The following HAUS6 variants were observed in gnomAD, a reference collection of about 807,000 sequenced individuals.
HAUS6 encodes the protein HAUS augmin like complex subunit 6, also known as HAUS augmin-like complex subunit 6.
Under a neutral mutation model 106.8 loss-of-function variants are expected in HAUS6, and 80 were observed. The ratio of observed to expected loss-of-function variants is 0.75; its 90% confidence interval spans 0.63 to 0.90. The LOEUF (loss-of-function observed/expected upper bound fraction) is 0.90. Among genes scored for constraint, HAUS6 ranks in the 40% least tolerant of loss-of-function variants. The probability of loss-of-function intolerance (pLI) is 0.00; values close to 1 mark genes in which losing one functional copy is unlikely to be tolerated. For synonymous variants in HAUS6, 356 were observed against 379.1 expected (o/e 0.94, Z 0.71); for missense variants, 1,155 against 1,118.1 (o/e 1.03, Z -0.47).
intron 8 of HAUS6, among the ~76,000 whole-genome samples, chr9:19,082,671 G>C (rs1036178063): frequency 6.6e-5 from 10 of 152,028 alleles, no homozygotes; most frequent in Non-Finnish European, 7.4e-5. Flanking sequence ...TCTTGAACCT[G>C]GGAGGCGGAG....
intron 14 of HAUS6, among the ~76,000 whole-genome samples, chr9:19,061,872 T>C (rs937976958): frequency 2.0e-5 from 3 of 152,176 alleles, no homozygotes; most frequent in African/African-American, 7.2e-5. Context: ...CCAGTTCTCT[T>C]ATTTGGACAA....
At chr9:19,064,698 A>C (rs1396666357) in intron 12 of HAUS6, among the ~76,000 whole-genome samples, 1 of 152,228 alleles carries the variant, frequency 6.6e-6, no homozygotes, top group African/African-American at 2.4e-5. Flanking sequence ...ATTTTATATC[A>C]TAGTAAATGT....
intron 9 of HAUS6, among the ~76,000 whole-genome samples, chr9:19,078,621 C>T (rs1374788149): frequency 6.6e-6 from 1 of 151,192 alleles, no homozygotes. Flanking sequence ...AACCTCATCT[C>T]TATGAAAAAT....
chr9:19,098,643 T>C (rs1050901906), intron 1 of HAUS6, among the ~76,000 whole-genome samples: 8 of 152,126 alleles, frequency 5.3e-5, no homozygotes, highest in African/African-American at 1.7e-4. Context: ...TTCTCTGTAA[T>C]GCAACCATAT....
chr9:19,061,362 A>G (rs1375584172), intron 14 of HAUS6, among the ~76,000 whole-genome samples: 1 of 152,160 alleles, frequency 6.6e-6, no homozygotes, highest in Non-Finnish European at 1.5e-5. Context: ...ATCTGATCCC[A>G]TTGCTAATAT....
chr9:19,060,884 G>A (rs1424256276), intron 14 of HAUS6, among the ~76,000 whole-genome samples: 3 of 152,188 alleles, frequency 2.0e-5, no homozygotes, highest in African/African-American at 4.8e-5. Flanking sequence ...CCAAGAGGCC[G>A]GGCATGGTGG....
At chr9:19,087,716 G>C (rs1001019388) in intron 5 of HAUS6, among the ~76,000 whole-genome samples, 1 of 151,926 alleles carries the variant, frequency 6.6e-6, no homozygotes, top group Non-Finnish European at 1.5e-5. Flanking sequence ...TTAGCTGGGT[G>C]TGGTAGAACA....
chr9:19,057,678 G>C (rs1378922796), intron 16 of HAUS6: 2 of 400,040 alleles, frequency 5.0e-6, no homozygotes, highest in South Asian at 2.1e-4. Context: ...GCAAGATTTT[G>C]ATGACATTTA....
intron 9 of HAUS6, among the ~76,000 whole-genome samples, chr9:19,079,432 T>C (rs1837088458): frequency 1.3e-5 from 2 of 151,446 alleles, no homozygotes; most frequent in Non-Finnish European, 2.9e-5. Flanking sequence ...AGTTTCCCCA[T>C]ATTGGCCAGA....
intron 2 of HAUS6, among the ~76,000 whole-genome samples, chr9:19,095,935 G>C (rs1041917220): frequency 2.0e-5 from 3 of 152,040 alleles, no homozygotes; most frequent in Non-Finnish European, 4.4e-5. Flanking sequence ...AAAAAAATAA[G>C]GATTTACAGA....
At chr9:19,087,207 G>T (rs747793217) in intron 5 of HAUS6, 51 bp from the exon 6 acceptor site, 5 of 971,154 alleles carry the variant, frequency 5.1e-6, no homozygotes, top group Non-Finnish European at 6.7e-6. Flanking sequence ...CGATTAATTA[G>T]TATAGCCCAC....
intron 7 of HAUS6, among the ~76,000 whole-genome samples, chr9:19,086,097 A>G (rs1370919251): frequency 6.6e-6 from 1 of 151,598 alleles, no homozygotes; most frequent in African/African-American, 2.4e-5. Flanking sequence ...AGATCACCTG[A>G]GGTCAGGAGT....
chr9:19,068,707 A>G (rs1367591040), intron 12 of HAUS6, among the ~76,000 whole-genome samples: 1 of 138,728 alleles, frequency 7.2e-6, no homozygotes, highest in Non-Finnish European at 1.5e-5. Flanking sequence ...TTAGGTTAAA[A>G]AACAATTAAA....
At chr9:19,072,855 A>T (rs571101736) in intron 11 of HAUS6, among the ~76,000 whole-genome samples, 148 of 152,306 alleles carry the variant, frequency 9.7e-4, no homozygotes, top group South Asian at 1.9e-3. Context: ...CAATGTCATT[A>T]AAAAAAGACA....
At chr9:19,061,104 C>T (rs1836607073) in intron 14 of HAUS6, among the ~76,000 whole-genome samples, 1 of 152,178 alleles carries the variant, frequency 6.6e-6, no homozygotes, top group Admixed American at 6.5e-5. Context: ...GCGGAGGCTG[C>T]GGTGAGCCAA....
intron 1 of HAUS6, among the ~76,000 whole-genome samples, chr9:19,097,461 A>G (rs377454396): frequency 1.3e-3 from 202 of 152,258 alleles, no homozygotes; most frequent in African/African-American, 4.8e-3. Context: ...ACACTTCTCA[A>G]AAGAAGACAT....
intron 12 of HAUS6, 187 bp from the exon 13 acceptor site, chr9:19,063,767 A>G (rs13302453): frequency 0.081 from 60,067 of 745,800 alleles, 2,655 homozygotes; most frequent in East Asian, 0.1. Flanking sequence ...TTTCAGCCCA[A>G]TTTGTGTATC....
In HAUS6 at chr9:19,102,899, C is replaced by T. The variant is rs376989362; in HGVS notation, c.-248G>A. 1 of 371,466 alleles carries T rather than the reference C, an allele frequency of 2.7e-6. No individual in the cohort carries two copies. 23.0% of individuals were successfully genotyped at this position (371,466 alleles called of 1,614,324 possible). On this transcript the variant is annotated 5_prime_UTR_variant, in exon 1 of 17. Transcript: ENST00000380502. Reference sequence around the variant, plus strand: ...GCCACCACAAACCGAGACTCCCGCCCTTAAGGAAGAGCAGTGTGCGCCGGC... The same window carrying T: ...GCCACCACAAACCGAGACTCCCGCCTTTAAGGAAGAGCAGTGTGCGCCGGC...
chr9:19,063,089 T>A lies in HAUS6; in HGVS notation c.1548A>T (p.Thr516=). The A allele has an allele frequency of 1.2e-6, 2 of 1,608,868 alleles. No individual in the cohort carries two copies. Among genetic ancestry groups the A allele is most frequent in the Non-Finnish European group, 1.7e-6 (2 of 1,176,726 alleles). The change falls in exon 14 of 17, where the codon ACA becomes ACT. Residue 516 remains threonine (T), a synonymous_variant. Coordinates refer to ENST00000380502, the MANE Select transcript of HAUS6 (RefSeq NM_017645.5). ...AAGACCCTCCAAATGCACTACTCTC[T>A]GTATTCTTTGCAACATCTGATAATG... The part of the protein sequence containing the change: ...NSPLSDVAKN[T]ESSAFGGSLP...
Sources: gnomAD v4.1 joint callset for allele counts (sites outside exome capture counted in the v4.1 genomes callset) on GRCh38, gnomAD v4.1.1 for gene constraint, MANE v1.5 for transcripts, NCBI Gene and HGNC (gene_info 2026-07-23, HGNC 2026-07-21) for gene names.